The following MAP3K4 variants were observed in gnomAD, a reference collection of about 807,000 sequenced individuals.
The protein encoded by MAP3K4 is MAP three kinase 1.
A neutral mutation model predicts 185.6 loss-of-function variants in MAP3K4; 67 were observed. The ratio of observed to expected loss-of-function variants is 0.36; its 90% confidence interval spans 0.30 to 0.44. The LOEUF (loss-of-function observed/expected upper bound fraction) is 0.44, where lower values mean the gene tolerates loss of function less well. MAP3K4 is among the 20% of genes least tolerant of loss of function. MAP3K4 has a pLI of 1.00. For missense variants in MAP3K4, 1,551 were observed against 1,995.1 expected (o/e 0.78, Z 4.24); for synonymous variants, 702 against 710.4 (o/e 0.99, Z 0.19).
Position 161,100,002 on chromosome 6 carries a change from A to G in MAP3K4, c.3674+1575A>G, listed in dbSNP as rs975176562. 5.1e-4 allele frequency among the ~76,000 whole-genome samples: 77 copies of G among 152,214 alleles called. No homozygotes were observed. The highest frequency in any genetic ancestry group is 1.8e-3 in the African/African-American group (75 of 41,448). On this transcript the variant is annotated intron_variant, in intron 17 of 26. Transcript: ENST00000392142. The surrounding 1 kb of genome is among the most constrained non-coding windows in gnomAD (Gnocchi z 5.8). Reference sequence around the variant, plus strand: ...TTAGAAATTTTAATAGTATCATAGCATGGTATCTTGAAGGACATTTTTTAC... The same window carrying G: ...TTAGAAATTTTAATAGTATCATAGCGTGGTATCTTGAAGGACATTTTTTAC...
At position 161,082,156 on chromosome 6, in the gene MAP3K4, G is replaced by A. The variant is rs558351100; in HGVS notation, c.2255+1118G>A. Among the ~76,000 whole-genome samples, 7 of 151,864 alleles carry A rather than the reference G, an allele frequency of 4.6e-5. No homozygotes were observed. The East Asian group carries it at 5.9e-4, about 13-fold the overall frequency. On this transcript the variant is annotated intron_variant, in intron 6 of 26. Transcript: ENST00000392142. The surrounding 1 kb of genome is among the most constrained non-coding windows in gnomAD (Gnocchi z 4.2). ...TTGCTCTCCTCTCATAACTCCATCC[G>A]TCAGGCTGTGATCCCCAGGCTGTCT...
At chr6:161,015,607 G>C (rs1315924066) in intron 1 of MAP3K4, among the ~76,000 whole-genome samples, 1 of 152,152 alleles carries the variant, frequency 6.6e-6, no homozygotes, top group African/African-American at 2.4e-5. Flanking sequence ...TCCGGTGAGG[G>C]CCTCAGGAAG....
At position 161,101,978 on chromosome 6, in the gene MAP3K4, C is replaced by T. The variant is rs749414398; in HGVS notation, c.3761C>T (p.Thr1254Met). The change falls in exon 18 of 27, where the codon ACG becomes ATG. Residue 1254 changes from threonine (T) to methionine (M), a missense_variant. Thr to Met is a moderately conservative substitution (Grantham distance 81). Around this residue, in one of 16 missense-constraint regions of MAP3K4, gnomAD observed 272 missense variants for 301.2 expected, o/e 0.90. Transcript: ENST00000392142. This position sits in a 1 kb window ranked among gnomAD's most constrained non-coding sequence, Gnocchi z 5.1. ...TCCCTGAGTCGTCACTCAAGCCCCACGGAGGAGCGAGATGGTGAGTGTTTT... is the reference window on the plus strand; with the variant it reads ...TCCCTGAGTCGTCACTCAAGCCCCATGGAGGAGCGAGATGGTGAGTGTTTT... ...FRSLSRHSSP[T>M]EERDEPAYPR... 1.9e-6 allele frequency: 3 copies of T among 1,613,898 alleles called. No individual in the cohort carries two copies. Among genetic ancestry groups the T allele is most frequent in the Admixed American group, 1.7e-5 (1 of 60,024 alleles).
rs1270179635 is a variant in MAP3K4 at position 161,114,633 on chromosome 6, C to T, written c.4627-490C>T. ...AATGCCATACACACTTAGTTCCTTC[C>T]CCTGTGAATCTCATTTTTCATAGGA... On this transcript the variant is annotated intron_variant, in intron 25 of 26. Coordinates refer to ENST00000392142, the MANE Select transcript of MAP3K4 (RefSeq NM_005922.4). The surrounding 1 kb of genome is among the most constrained non-coding windows in gnomAD (Gnocchi z 4.3). Among the ~76,000 whole-genome samples the T allele has an allele frequency of 1.3e-5, 2 of 152,166 alleles. No homozygotes were observed. Among genetic ancestry groups the T allele is most frequent in the African/African-American group, 2.4e-5 (1 of 41,446 alleles).
At chr6:161,040,996 G>C (rs1039033698) in intron 2 of MAP3K4, among the ~76,000 whole-genome samples, 1 of 152,180 alleles carries the variant, frequency 6.6e-6, no homozygotes, top group Admixed American at 6.5e-5. Context: ...TGTCTTCCAC[G>C]GGCTGGCTTA....
intron 1 of MAP3K4, among the ~76,000 whole-genome samples, chr6:161,010,135 T>A (rs905082554): frequency 6.6e-6 from 1 of 152,236 alleles, no homozygotes; most frequent in Non-Finnish European, 1.5e-5. Flanking sequence ...GTTTTAAAAA[T>A]TATTCATGTA....
chr6:161,038,810 A>C (rs936701053), intron 2 of MAP3K4, among the ~76,000 whole-genome samples: 1 of 152,048 alleles, frequency 6.6e-6, no homozygotes, highest in African/African-American at 2.4e-5. Flanking sequence ...TTTTGTCTGC[A>C]TAGTGTCTGC....
chr6:160,991,879 G>A lies in MAP3K4; in HGVS notation c.-53G>A. Reference sequence around the variant, plus strand: ...CCGCACTTCGGGGCTCCGGTGCCCCGCGCCAGGCTGCAGCTTACTGCCCGC... The same window carrying A: ...CCGCACTTCGGGGCTCCGGTGCCCCACGCCAGGCTGCAGCTTACTGCCCGC... On this transcript the variant is annotated 5_prime_UTR_variant, in exon 1 of 27. Coordinates refer to ENST00000392142, the MANE Select transcript of MAP3K4 (RefSeq NM_005922.4). This position sits in a 1 kb window ranked among gnomAD's most constrained non-coding sequence, Gnocchi z 5.7. The A allele has an allele frequency of 6.9e-7, 1 of 1,447,770 alleles. No individual in the cohort carries two copies. The highest frequency in any genetic ancestry group is 9.0e-7 in the Non-Finnish European group (1 of 1,110,814). 89.7% of individuals were successfully genotyped at this position (1,447,770 alleles called of 1,614,324 possible). A position where few individuals can be genotyped will look rare whatever the true frequency, so the allele number is the denominator to read the frequency against.
At chr6:161,046,832 T>G (rs1185974256) in intron 2 of MAP3K4, among the ~76,000 whole-genome samples, 2 of 150,340 alleles carry the variant, frequency 1.3e-5, no homozygotes, top group African/African-American at 4.9e-5. Context: ...TAATATGTCT[T>G]TAGATATTAC....
rs1476486836 is a variant in MAP3K4 at position 161,080,480 on chromosome 6, C to T, written c.2098-401C>T. Among the ~76,000 whole-genome samples, 1 of 152,178 alleles carries T rather than the reference C, an allele frequency of 6.6e-6. No individual in the cohort carries two copies. Among genetic ancestry groups the T allele is most frequent in the Non-Finnish European group, 1.5e-5 (1 of 68,034 alleles). On this transcript the variant is annotated intron_variant, in intron 5 of 26. Transcript: ENST00000392142. This position sits in a 1 kb window ranked among gnomAD's most constrained non-coding sequence, Gnocchi z 4.8. ...AAGGGTGTTGACGTCCTCCTCTCTG[C>T]ACATAAGGCACCATTTCAAGCTAAA...
intron 19 of MAP3K4, among the ~76,000 whole-genome samples, chr6:161,105,850 T>C (rs1778043233): frequency 6.6e-6 from 1 of 151,556 alleles, no homozygotes; most frequent in Non-Finnish European, 1.5e-5. Flanking sequence ...TTTTTTTTTT[T>C]TTTGAGACCT....
chr6:161,117,127 T>C lies in MAP3K4; in HGVS notation c.*257T>C. Reference sequence around the variant, plus strand: ...TACTGTACACGGACCATCGCCTCTGTCTCCTCCGTGTCTCGCGCGACTGAG... The same window carrying C: ...TACTGTACACGGACCATCGCCTCTGCCTCCTCCGTGTCTCGCGCGACTGAG... On this transcript the variant is annotated 3_prime_UTR_variant, in exon 27 of 27. Transcript: ENST00000392142. 1 of 481,800 alleles carries C rather than the reference T, an allele frequency of 2.1e-6. No homozygotes were observed. Among genetic ancestry groups the C allele is most frequent in the African/African-American group, 2.0e-5 (1 of 50,530 alleles). The allele number at this position is 481,800 out of a possible 1,614,324, so 29.8% of individuals were successfully genotyped here.
intron 1 of MAP3K4, among the ~76,000 whole-genome samples, chr6:161,026,150 A>C (rs954010715): frequency 1.3e-5 from 2 of 151,210 alleles, no homozygotes; most frequent in African/African-American, 4.9e-5. Context: ...TTTTTTTTTG[A>C]GATGGAGTCT....
intron 1 of MAP3K4, among the ~76,000 whole-genome samples, chr6:161,014,885 C>T (rs534198939): frequency 6.6e-6 from 1 of 152,292 alleles, no homozygotes; most frequent in Non-Finnish European, 1.5e-5. Context: ...AGAAACCCTG[C>T]ACCATGTAGC....
At chr6:161,089,084 A>C (rs1785889291) in intron 10 of MAP3K4, among the ~76,000 whole-genome samples, 2 of 152,140 alleles carry the variant, frequency 1.3e-5, no homozygotes, top group Non-Finnish European at 2.9e-5. Context: ...GATATCTCAA[A>C]GATGTCATGC....
chr6:161,027,521 C>T (rs1302667032), intron 1 of MAP3K4, among the ~76,000 whole-genome samples: 2 of 152,114 alleles, frequency 1.3e-5, no homozygotes, highest in African/African-American at 4.8e-5. Context: ...AATCGCTCTA[C>T]AAAAGTCTTT....
chr6:161,089,690 G>T (rs893401951), intron 11 of MAP3K4, among the ~76,000 whole-genome samples: 4 of 152,138 alleles, frequency 2.6e-5, no homozygotes, highest in African/African-American at 9.7e-5. Context: ...ATAGAGAATT[G>T]AACTTTATGT....
intron 3 of MAP3K4, among the ~76,000 whole-genome samples, chr6:161,057,598 C>G (rs1784301490): frequency 6.6e-6 from 1 of 152,144 alleles, no homozygotes; most frequent in African/African-American, 2.4e-5. Context: ...ACATTGTAAA[C>G]AAACCTCCTG....
chr6:161,109,013 T>C lies in MAP3K4; in HGVS notation c.4236+154T>C. The C allele has an allele frequency of 6.3e-7, 1 of 1,580,200 alleles. No individual in the cohort carries two copies. Among genetic ancestry groups the C allele is most frequent in the Non-Finnish European group, 8.6e-7 (1 of 1,167,000 alleles). ...TGAGTTACATCATTTCTGCCTTCTC[T>C]CTGAAACTAGAGGAGTTCCTCCTAA... is the stretch of plus-strand genomic sequence containing the variant. On this transcript the variant is annotated intron_variant, in intron 22 of 26. Transcript: ENST00000392142. This position sits in a 1 kb window ranked among gnomAD's most constrained non-coding sequence, Gnocchi z 5.7.
Sources: allele counts gnomAD v4.1 joint callset (sites outside exome capture counted in the v4.1 genomes callset), GRCh38; gene constraint gnomAD v4.1.1; regional missense constraint gnomAD v4.1.1; non-coding constraint Gnocchi (gnomAD v3.1); transcripts MANE v1.5; gene names NCBI Gene and HGNC (gene_info 2026-07-23, HGNC 2026-07-21).